TNS3: variants seen among roughly 807,000 people sequenced by gnomAD.
The protein encoded by TNS3 is tensin 3, also known as tensin-3.
TNS3 carries 45 observed loss-of-function variants against 140.9 expected under a neutral mutation model. The ratio of observed to expected loss-of-function variants is 0.32; its 90% CI spans 0.25 to 0.41. The LOEUF is 0.41. Ranked by LOEUF, TNS3 falls within the 10% of genes least tolerant of loss-of-function variation. TNS3 has a pLI of 1.00. For synonymous variants in TNS3, 815 were observed against 788.4 expected (o/e 1.03, Z -0.56); for missense variants, 1,716 against 1,906.7 (o/e 0.90, Z 1.86).
intron 8 of TNS3, among the ~76,000 whole-genome samples, chr7:47,429,431 A>T (rs1387569974): frequency 1.3e-5 from 2 of 152,000 alleles, no homozygotes; most frequent in Admixed American, 1.3e-4. Context: ...GCAGTGGCAC[A>T]ATCTCGGCTC....
chr7:47,390,017 G>A (rs1414219072), intron 16 of TNS3, among the ~76,000 whole-genome samples: 2 of 152,250 alleles, frequency 1.3e-5, no homozygotes, highest in Admixed American at 6.5e-5. Context: ...CTTCTGCCTG[G>A]TGCAGAGTCA....
intron 4 of TNS3, among the ~76,000 whole-genome samples, chr7:47,471,242 A>T (rs1337402978): frequency 1.3e-5 from 2 of 152,196 alleles, no homozygotes. Flanking sequence ...CATCAGTCCC[A>T]GAAGACTGTG....
intron 5 of TNS3, among the ~76,000 whole-genome samples, chr7:47,441,303 C>T (rs563549468): frequency 6.6e-6 from 1 of 152,234 alleles, no homozygotes; most frequent in South Asian, 2.1e-4. Context: ...CTCAGCCTCC[C>T]GAATAGCTGG....
intron 1 of TNS3, among the ~76,000 whole-genome samples, chr7:47,531,199 C>T (rs1799392761): frequency 1.3e-5 from 2 of 151,778 alleles, no homozygotes; most frequent in Admixed American, 6.6e-5. Context: ...TACACCAAAC[C>T]CCCACAACAC....
rs561189353 is a variant in TNS3 at position 47,476,973 on chromosome 7, A to C, written c.-76+4130T>G. Among the ~76,000 whole-genome samples the C allele has an allele frequency of 7.9e-5, 12 of 152,356 alleles. No homozygotes were observed. In the East Asian group the frequency reaches 2.3e-3, roughly 29 times the overall value. On this transcript the variant is annotated intron_variant, in intron 4 of 30. Coordinates refer to ENST00000311160, the MANE Select transcript of TNS3 (RefSeq NM_022748.12). ...TCTGCTACCAGGAATATGAAAACGA[A>C]CATCACAGGTAAATAGCCACGGGTT...
At chr7:47,366,127 G>A (rs577921834) in intron 17 of TNS3, among the ~76,000 whole-genome samples, 1 of 152,202 alleles carries the variant, frequency 6.6e-6, no homozygotes, top group African/African-American at 2.4e-5. Context: ...GTTTGGTGAA[G>A]TAAGTCAGGT....
chr7:47,371,638 T>C (rs1791077298), intron 16 of TNS3, among the ~76,000 whole-genome samples: 2 of 152,028 alleles, frequency 1.3e-5, no homozygotes, highest in Admixed American at 1.3e-4. Context: ...AAAAACCTAT[T>C]TCGCCCAGCT....
chr7:47,486,164 G>C (rs964690199), intron 3 of TNS3, among the ~76,000 whole-genome samples: 1 of 152,128 alleles, frequency 6.6e-6, no homozygotes, highest in Non-Finnish European at 1.5e-5. Context: ...GTGAATGTGT[G>C]TAAGTTTGAG....
At chr7:47,510,859 T>TA (rs1562817961) in intron 2 of TNS3, among the ~76,000 whole-genome samples, 2,625 of 79,560 alleles carry the variant, frequency 0.033, 98 homozygotes, top group African/African-American at 0.088. Context: ...AAGACTGTCT[T>TA]TAAAAAAAAA....
intron 17 of TNS3, among the ~76,000 whole-genome samples, chr7:47,351,863 C>A (rs1303517698): frequency 6.6e-6 from 1 of 152,144 alleles, no homozygotes; most frequent in Non-Finnish European, 1.5e-5. Flanking sequence ...GGAGCTGCCC[C>A]TCCCACACAC....
chr7:47,407,286 A>T lies in TNS3; in HGVS notation c.723+4441T>A, dbSNP rs1793503773. Among the ~76,000 whole-genome samples, 1 of 152,080 alleles carries T rather than the reference A, an allele frequency of 6.6e-6. No individual in the cohort carries two copies. Among genetic ancestry groups the T allele is most frequent in the South Asian group, 2.1e-4 (1 of 4,824 alleles). On this transcript the variant is annotated intron_variant, in intron 13 of 30. Coordinates refer to ENST00000311160, the MANE Select transcript of TNS3 (RefSeq NM_022748.12). This position sits in a 1 kb window ranked among gnomAD's most constrained non-coding sequence, Gnocchi z 4.1. ...AGCCACTCCTTCTCTGACACGCTGG[A>T]AATCATCTCTCCCACCTAACCTTTA...
rs1290389805 is a variant in TNS3 at position 47,389,086 on chromosome 7, G to GCAGAAGCA, written c.1024+7713_1024+7714insTGCTTCTG. Among the ~76,000 whole-genome samples, 12 of 52,382 alleles carry GCAGAAGCA rather than the reference G, an allele frequency of 2.3e-4. 1 individual carries two copies. The highest frequency in any genetic ancestry group is 1.2e-3 in the African/African-American group (8 of 6,562). The allele number at this position is 52,382 out of a possible 152,430, so 34.4% of individuals were successfully genotyped here. ...AAGAAGAAGAAGAAGAAGAAGAAGA[G>GCAGAAGCA]GAAGAGGAAGAGGAAGCGGAAGCAG... On this transcript the variant is annotated intron_variant, in intron 16 of 30. Coordinates refer to ENST00000311160, the MANE Select transcript of TNS3 (RefSeq NM_022748.12).
At chr7:47,574,140 A>G (rs2152021940) in intron 1 of TNS3, among the ~76,000 whole-genome samples, 1 of 152,288 alleles carries the variant, frequency 6.6e-6, no homozygotes, top group South Asian at 2.1e-4. Flanking sequence ...AGGCTCTGGC[A>G]TGTGGTTCCC....
Position 47,275,557 on chromosome 7 carries a change from C to A in TNS3, c.*2519G>T. On this transcript the variant is annotated 3_prime_UTR_variant, in exon 31 of 31. Coordinates refer to ENST00000311160, the MANE Select transcript of TNS3 (RefSeq NM_022748.12). ...GTTCCTTTTCCTGTGGCCCTAGAGC[C>A]GGTGTCCACGGTGGGGGCTCTCTCA... 1 of 324,740 alleles carries A rather than the reference C, an allele frequency of 3.1e-6. No individual in the cohort carries two copies. Among genetic ancestry groups the A allele is most frequent in the Non-Finnish European group, 6.0e-6 (1 of 165,994 alleles). 20.1% of individuals were successfully genotyped at this position (324,740 alleles called of 1,614,324 possible). A position where few individuals can be genotyped will look rare whatever the true frequency, so the allele number is the denominator to read the frequency against.
intron 7 of TNS3, among the ~76,000 whole-genome samples, chr7:47,435,819 C>T (rs946561582): frequency 6.6e-5 from 10 of 152,166 alleles, no homozygotes; most frequent in African/African-American, 9.7e-5. Flanking sequence ...CCACACCGTG[C>T]GGACAACACC....
intron 22 of TNS3, among the ~76,000 whole-genome samples, chr7:47,302,503 T>G (rs1375438815): frequency 6.6e-6 from 1 of 152,184 alleles, no homozygotes; most frequent in Non-Finnish European, 1.5e-5. Flanking sequence ...GCAATACATT[T>G]TAAGAATACA....
chr7:47,469,848 C>T (rs559876751), intron 4 of TNS3, among the ~76,000 whole-genome samples: 50 of 151,934 alleles, frequency 3.3e-4, no homozygotes, highest in African/African-American at 1.1e-3. Context: ...ATGGCAGGTG[C>T]GTGTAATCCA....
intron 20 of TNS3, among the ~76,000 whole-genome samples, chr7:47,307,913 C>T (rs1369620566): frequency 2.0e-5 from 3 of 152,138 alleles, no homozygotes; most frequent in Non-Finnish European, 2.9e-5. Context: ...CATATATTCA[C>T]TTAAGAATCT....
At chr7:47,326,064 A>C (rs554020472) in intron 20 of TNS3, among the ~76,000 whole-genome samples, 1 of 152,338 alleles carries the variant, frequency 6.6e-6, no homozygotes, top group South Asian at 2.1e-4. Flanking sequence ...CTGAATGTCA[A>C]CAGCTTTTAA....
Sources: gnomAD v4.1 joint callset for allele counts (sites outside exome capture counted in the v4.1 genomes callset) on GRCh38, gnomAD v4.1.1 for gene constraint, Gnocchi (gnomAD v3.1) non-coding constraint, MANE v1.5 for transcripts, NCBI Gene and HGNC (gene_info 2026-07-23, HGNC 2026-07-21) for gene names.